CASD1: variants seen among roughly 807,000 people sequenced by gnomAD.
CASD1 encodes N-acetylneuraminate (7)9-O-acetyltransferase.
CASD1 carries 41 observed loss-of-function variants against 100.0 expected under a neutral mutation model. The ratio of observed to expected loss-of-function variants is 0.41; its 90% confidence interval spans 0.32 to 0.53. The LOEUF (loss-of-function observed/expected upper bound fraction) is 0.53, where lower values mean the gene tolerates loss of function less well. Ranked by LOEUF, CASD1 falls within the 20% of genes least tolerant of loss-of-function variation. The pLI, the probability that CASD1 is intolerant of heterozygous loss-of-function variation, is 0.25. For missense variants in CASD1, 774 were observed against 948.7 expected, an observed-to-expected ratio of 0.82 and a Z score of 2.42; for synonymous variants, 321 against 315.6, an observed-to-expected ratio of 1.02 and a Z score of -0.18.
the CASD1 span, among the ~76,000 whole-genome samples, chr7:94,584,596 C>A: frequency 7.2e-5 from 11 of 152,036 alleles, no homozygotes; most frequent in African/African-American, 1.2e-4. Flanking sequence ...CTCTGGGCAC[C>A]TAATAGGTGA....
At chr7:94,601,819 A>G in the CASD1 span, among the ~76,000 whole-genome samples, 2 of 152,120 alleles carry the variant, frequency 1.3e-5, no homozygotes, top group South Asian at 2.1e-4. Flanking sequence ...TTGTTGTCCA[A>G]CACAGCCTTG....
chr7:94,579,501 A>G, the CASD1 span, among the ~76,000 whole-genome samples: 1 of 152,226 alleles, frequency 6.6e-6, no homozygotes, highest in African/African-American at 2.4e-5. Flanking sequence ...AGATTTATTA[A>G]GAAAGTAATA....
chr7:94,576,451 A>G, the CASD1 span, among the ~76,000 whole-genome samples: 2 of 152,188 alleles, frequency 1.3e-5, no homozygotes, highest in Non-Finnish European at 2.9e-5. Context: ...TATTTATTGT[A>G]AACACCTGTT....
chr7:94,582,434 A>G, the CASD1 span, among the ~76,000 whole-genome samples: 1 of 151,800 alleles, frequency 6.6e-6, no homozygotes, highest in Non-Finnish European at 1.5e-5. Flanking sequence ...GCTTTTTTTC[A>G]TATGTTTTTT....
the CASD1 span, chr7:94,588,449 A>G: frequency 7.6e-7 from 1 of 1,323,304 alleles, no homozygotes; most frequent in Non-Finnish European, 9.7e-7. Context: ...TTCCTTAATT[A>G]GACAGGACCT....
intron 15 of CASD1, 100 bp downstream of exon 15, chr7:94,551,578 T>G: frequency 2.1e-6 from 1 of 481,314 alleles, no homozygotes; most frequent in Non-Finnish European, 3.1e-6. Context: ...TCTTTTTTTC[T>G]CCTTATTTTT....
At chr7:94,519,701 C>G (rs375277998) in intron 3 of CASD1, among the ~76,000 whole-genome samples, 16 of 152,124 alleles carry the variant, frequency 1.1e-4, no homozygotes, top group African/African-American at 3.1e-4. Context: ...GAGACGAGGT[C>G]TCACTATTTC....
At chr7:94,628,414 T>C in the CASD1 span, 1 of 1,443,852 alleles carries the variant, frequency 6.9e-7, no homozygotes, top group Non-Finnish European at 9.7e-7. Context: ...CACATGTTGC[T>C]TTGGTAGTTT....
chr7:94,588,851 C>A, the CASD1 span: 1 of 1,030,424 alleles, frequency 9.7e-7, no homozygotes, highest in Non-Finnish European at 1.5e-6. Context: ...TGTAATCCAG[C>A]ACAATTCCCC....
the CASD1 span, among the ~76,000 whole-genome samples, chr7:94,576,149 C>G: frequency 4.9e-4 from 75 of 152,304 alleles, 1 homozygote; most frequent in African/African-American, 1.8e-3. Flanking sequence ...AGACAGGTCT[C>G]TCAAGCTCCA....
chr7:94,528,186 A>C lies in CASD1; in HGVS notation c.397-2A>C. On this transcript the variant is annotated splice_acceptor_variant, in intron 4 of 17. Coordinates refer to ENST00000297273, the MANE Select transcript of CASD1 (RefSeq NM_022900.5). LOFTEE classifies it high-confidence loss of function. ...TCTTTACTTCTAACATTTCTCTTTT[A>C]GGATTTTCTGTGGCATCCTGAAGTT... is the stretch of plus-strand genomic sequence containing the variant. 1 of 1,599,874 alleles carries C rather than the reference A, an allele frequency of 6.3e-7. No individual in the cohort carries two copies. The highest frequency in any genetic ancestry group is 8.5e-7 in the Non-Finnish European group (1 of 1,170,048).
chr7:94,521,252 A>G (rs1193058832), intron 3 of CASD1, among the ~76,000 whole-genome samples: 1 of 152,232 alleles, frequency 6.6e-6, no homozygotes, highest in Non-Finnish European at 1.5e-5. Context: ...ACTTAACACT[A>G]AAGTAATTTC....
At chr7:94,588,405 G>A in the CASD1 span, 1 of 1,211,558 alleles carries the variant, frequency 8.3e-7, no homozygotes, top group East Asian at 4.4e-5. Context: ...GAAGAATAGG[G>A]AACTTCACTG....
At chr7:94,532,304 T>C (rs991102992) in intron 5 of CASD1, among the ~76,000 whole-genome samples, 1 of 152,140 alleles carries the variant, frequency 6.6e-6, no homozygotes, top group African/African-American at 2.4e-5. Flanking sequence ...ATAGTACAAT[T>C]ATAACAGTAT....
At chr7:94,536,058 C>G (rs1283622737) in intron 8 of CASD1, among the ~76,000 whole-genome samples, 4 of 152,144 alleles carry the variant, frequency 2.6e-5, no homozygotes, top group African/African-American at 9.7e-5. Context: ...GCCTGGCTAA[C>G]ATGGGGAAAC....
chr7:94,567,622 A>G, the CASD1 span, among the ~76,000 whole-genome samples: 2 of 152,168 alleles, frequency 1.3e-5, no homozygotes, highest in Non-Finnish European at 2.9e-5. Flanking sequence ...CAGGGAAGCT[A>G]TGTGGAGAGA....
At chr7:94,585,472 T>A in the CASD1 span, 1 of 1,599,726 alleles carries the variant, frequency 6.3e-7, no homozygotes, top group Non-Finnish European at 8.6e-7. Context: ...TGATTATAAA[T>A]TCATTGCTTC....
At chr7:94,565,276 G>A in the CASD1 span, among the ~76,000 whole-genome samples, 1 of 152,006 alleles carries the variant, frequency 6.6e-6, no homozygotes, top group African/African-American at 2.4e-5. Context: ...ATGTTTCAGA[G>A]TCCCAGGCTT....
chr7:94,520,229 TATC>T (rs1479311056), intron 3 of CASD1, among the ~76,000 whole-genome samples: 1 of 152,208 alleles, frequency 6.6e-6, no homozygotes, highest in African/African-American at 2.4e-5. Context: ...AGAAATTACA[TATC>T]ATCATTATTA....
Sources: gnomAD v4.1 joint callset for allele counts (sites outside exome capture counted in the v4.1 genomes callset) on GRCh38, gnomAD v4.1.1 for gene constraint, MANE v1.5 for transcripts, NCBI Gene and HGNC (gene_info 2026-07-23, HGNC 2026-07-21) for gene names.